CNTNAP5: variants seen among roughly 807,000 people sequenced by gnomAD.
CNTNAP5 encodes the protein contactin associated protein family member 5.
Under a neutral mutation model 150.2 loss-of-function variants are expected in CNTNAP5, and 72 were observed. That is an observed-to-expected ratio of 0.48 (90% CI 0.40 to 0.58). The LOEUF (loss-of-function observed/expected upper bound fraction) is 0.58. Among genes scored for constraint, CNTNAP5 ranks in the 20% least tolerant of loss-of-function variants. The pLI, the probability that CNTNAP5 is intolerant of heterozygous loss-of-function variation, is 0.00. For missense variants in CNTNAP5, 1,636 were observed against 1,626.2 expected, an observed-to-expected ratio of 1.01 and a Z score of -0.10; for synonymous variants, 672 against 619.8, an observed-to-expected ratio of 1.08 and a Z score of -1.25.
At chr2:124,257,770 C>G (rs1687348993) in intron 3 of CNTNAP5, among the ~76,000 whole-genome samples, 1 of 151,958 alleles carries the variant, frequency 6.6e-6, no homozygotes, top group Admixed American at 6.6e-5. Flanking sequence ...TAGTCTTGTC[C>G]ATGAAACTGG....
chr2:124,375,171 A>G (rs1356582160), intron 3 of CNTNAP5, among the ~76,000 whole-genome samples: 1 of 152,082 alleles, frequency 6.6e-6, no homozygotes, highest in East Asian at 1.9e-4. Flanking sequence ...TGGTAAAATT[A>G]GTGGGTGAAA....
chr2:124,887,198 G>GCC (rs1340056088), intron 21 of CNTNAP5, among the ~76,000 whole-genome samples: 1 of 151,966 alleles, frequency 6.6e-6, no homozygotes, highest in Non-Finnish European at 1.5e-5. Flanking sequence ...CCTTCAACCT[G>GCC]CCCCTCCTAA....
intron 19 of CNTNAP5, among the ~76,000 whole-genome samples, chr2:124,843,303 T>C: frequency 6.6e-6 from 1 of 152,086 alleles, no homozygotes; most frequent in East Asian, 1.9e-4. Flanking sequence ...GCATTTGGGC[T>C]GGTTCTGTAT....
intron 3 of CNTNAP5, among the ~76,000 whole-genome samples, chr2:124,261,486 G>A (rs778368190): frequency 6.6e-6 from 1 of 152,124 alleles, no homozygotes; most frequent in African/African-American, 2.4e-5. Flanking sequence ...TATCAATAAC[G>A]ATTGATGATA....
chr2:124,398,901 T>C (rs181836444), intron 3 of CNTNAP5, among the ~76,000 whole-genome samples: 1 of 152,270 alleles, frequency 6.6e-6, no homozygotes, highest in Admixed American at 6.5e-5. Flanking sequence ...ATGAAGATGA[T>C]GGTGATGATG....
intron 13 of CNTNAP5, among the ~76,000 whole-genome samples, chr2:124,667,430 C>T (rs1408058665): frequency 6.6e-6 from 1 of 152,174 alleles, no homozygotes; most frequent in Non-Finnish European, 1.5e-5. Flanking sequence ...CACTGAACAA[C>T]AGTGTTCATG....
At chr2:124,370,898 A>C (rs1690507848) in intron 3 of CNTNAP5, among the ~76,000 whole-genome samples, 1 of 152,198 alleles carries the variant, frequency 6.6e-6, no homozygotes, top group Non-Finnish European at 1.5e-5. Flanking sequence ...AAGACCTGAA[A>C]TAACAGTTAA....
intron 13 of CNTNAP5, among the ~76,000 whole-genome samples, chr2:124,744,551 G>T (rs192842028): frequency 6.6e-6 from 1 of 151,944 alleles, no homozygotes; most frequent in Non-Finnish European, 1.5e-5. Flanking sequence ...CTTTATTTTG[G>T]TATGTTTTCT....
chr2:124,154,515 G>A (rs1317914184), intron 1 of CNTNAP5, among the ~76,000 whole-genome samples: 5 of 152,140 alleles, frequency 3.3e-5, no homozygotes, highest in South Asian at 2.1e-4. Flanking sequence ...TTGTTCTTGG[G>A]TAGAGGGATG....
At chr2:124,504,655 T>TGG (rs1298243644) in intron 8 of CNTNAP5, 99 bp downstream of exon 8, 2 of 1,206,606 alleles carry the variant, frequency 1.7e-6, no homozygotes, top group Non-Finnish European at 2.3e-6. Context: ...CTCAGGGATA[T>TGG]GGGTTAGCCC....
intron 3 of CNTNAP5, among the ~76,000 whole-genome samples, chr2:124,358,179 C>G (rs541260804): frequency 6.6e-6 from 1 of 152,294 alleles, no homozygotes; most frequent in South Asian, 2.1e-4. Context: ...GCTGAAGTTA[C>G]TTATCAGCTT....
At chr2:124,651,487 C>G (rs1244238750) in intron 13 of CNTNAP5, among the ~76,000 whole-genome samples, 1 of 152,138 alleles carries the variant, frequency 6.6e-6, no homozygotes, top group East Asian at 1.9e-4. Flanking sequence ...AGATCTGCAC[C>G]ATAAGAGTCA....
chr2:124,443,116 T>C (rs1463002155), intron 5 of CNTNAP5, among the ~76,000 whole-genome samples: 2 of 151,780 alleles, frequency 1.3e-5, no homozygotes, highest in East Asian at 3.9e-4. Flanking sequence ...CGAGATAATA[T>C]CCACATAATA....
intron 3 of CNTNAP5, among the ~76,000 whole-genome samples, chr2:124,334,800 G>A (rs1256982442): frequency 6.6e-6 from 1 of 151,938 alleles, no homozygotes; most frequent in Non-Finnish European, 1.5e-5. Flanking sequence ...TTGTGTAATT[G>A]CATAATATGA....
chr2:124,786,397 A>G (rs1349856144), intron 17 of CNTNAP5, among the ~76,000 whole-genome samples: 6 of 82,206 alleles, frequency 7.3e-5, no homozygotes, highest in Non-Finnish European at 1.2e-4. Context: ...GAAAGAAAGA[A>G]AGAAGGAAGG....
chr2:124,584,494 T>A (rs536149288), intron 11 of CNTNAP5, among the ~76,000 whole-genome samples: 1 of 152,202 alleles, frequency 6.6e-6, no homozygotes, highest in Non-Finnish European at 1.5e-5. Flanking sequence ...GTGTAGCTCA[T>A]GGCATATTTG....
At position 124,706,795 on chromosome 2, in the gene CNTNAP5, A is replaced by AAGAAGG. The variant is rs1553433527; in HGVS notation, c.2078-40432_2078-40431insAAGGAG. Among the ~76,000 whole-genome samples the AAGAAGG allele has an allele frequency of 8.3e-3, 156 of 18,806 alleles. 1 individual carries two copies. Among genetic ancestry groups the AAGAAGG allele is most frequent in the Admixed American group, 0.011 (18 of 1,666 alleles). The allele number at this position is 18,806 out of a possible 152,430, so 12.3% of individuals were successfully genotyped here. ...GAAGAAGAAGAAGAAGAAGAAGAAGAAGGAGGAGGAGGAGGAGGAGGAGGA... is the reference window on the plus strand; with the variant it reads ...GAAGAAGAAGAAGAAGAAGAAGAAGAAGAAGGAGGAGGAGGAGGAGGAGGAGGAGGA... On this transcript the variant is annotated intron_variant, in intron 13 of 23. Coordinates refer to ENST00000682447, the MANE Select transcript of CNTNAP5 (RefSeq NM_001367498.1).
intron 3 of CNTNAP5, among the ~76,000 whole-genome samples, chr2:124,384,922 A>C (rs1690890642): frequency 6.6e-6 from 1 of 152,172 alleles, no homozygotes; most frequent in African/African-American, 2.4e-5. Context: ...GTGAGAGTGC[A>C]GACAGGTTGA....
rs1691957637 is a variant in CNTNAP5 at position 124,417,587 on chromosome 2, T to C, written c.526T>C (p.Tyr176His). The change falls in exon 4 of 24, where the codon TAT (tyrosine) becomes CAT (histidine). Residue 176 changes from tyrosine (Y) to histidine (H), a missense_variant. Physicochemically the swap from Tyr to His is moderately conservative, Grantham distance 83. Transcript: ENST00000682447. ...GAGAGTCGAGGTCTACGGATGTTCC[T>C]ATAGTAAGTACTCACATGTACCCTT... ...GMRVEVYGCS[Y>H]KSDVADFDGR... 1.9e-6 allele frequency: 3 copies of C among 1,612,728 alleles called. No individual in the cohort carries two copies. Among genetic ancestry groups the C allele is most frequent in the Admixed American group, 1.7e-5 (1 of 59,872 alleles).
Sources: allele counts gnomAD v4.1 joint callset (sites outside exome capture counted in the v4.1 genomes callset), GRCh38; gene constraint gnomAD v4.1.1; transcripts MANE v1.5; gene names NCBI Gene and HGNC (gene_info 2026-07-23, HGNC 2026-07-21).